KCNQ3: variants seen among roughly 807,000 people sequenced by gnomAD.
KCNQ3 encodes potassium voltage-gated channel subfamily KQT member 3.
Under a neutral mutation model 92.5 loss-of-function variants are expected in KCNQ3, and 30 were observed. The observed-to-expected ratio is 0.32, with a 90% CI of 0.24 to 0.44. The LOEUF is 0.44. Among genes scored for constraint, KCNQ3 ranks in the 20% least tolerant of loss-of-function variants. KCNQ3 has a pLI of 1.00. For synonymous variants in KCNQ3, 450 were observed against 468.8 expected (o/e 0.96, Z 0.52); for missense variants, 913 against 1,140.3 (o/e 0.80, Z 2.87).
At chr8:132,160,793 C>A (rs960692829) in intron 9 of KCNQ3, among the ~76,000 whole-genome samples, 3 of 151,602 alleles carry the variant, frequency 2.0e-5, no homozygotes, top group Admixed American at 2.0e-4. Context: ...ATGCTTCCTT[C>A]TCAGGCTTTC....
At chr8:132,357,968 C>T (rs1036504483) in intron 1 of KCNQ3, among the ~76,000 whole-genome samples, 9 of 152,214 alleles carry the variant, frequency 5.9e-5, no homozygotes, top group African/African-American at 2.2e-4. Flanking sequence ...CATCAAACTC[C>T]ATCCCGTCCT....
intron 3 of KCNQ3, among the ~76,000 whole-genome samples, chr8:132,180,848 A>AC (rs1163827083): frequency 6.6e-6 from 1 of 151,314 alleles, no homozygotes; most frequent in African/African-American, 2.4e-5. Flanking sequence ...AAAAAAAAAA[A>AC]AACCAATGTT....
intron 1 of KCNQ3, among the ~76,000 whole-genome samples, chr8:132,251,401 G>A (rs1279170638): frequency 2.0e-5 from 3 of 152,216 alleles, no homozygotes; most frequent in African/African-American, 7.2e-5. Context: ...GGATGACCCC[G>A]TTGAAGATGC....
At position 132,480,393 on chromosome 8, in the gene KCNQ3, G is replaced by A; in HGVS notation, c.140C>T (p.Pro47Leu). The A allele has an allele frequency of 6.4e-7, 1 of 1,551,456 alleles. No homozygotes were observed. Among genetic ancestry groups the A allele is most frequent in the Non-Finnish European group, 8.6e-7 (1 of 1,157,596 alleles). The change falls in exon 1 of 15, where the codon CCC becomes CTC. Residue 47 changes from proline to leucine, a missense_variant. Coordinates refer to ENST00000388996, the MANE Select transcript of KCNQ3 (RefSeq NM_004519.4). Reference protein sequence around the residue: ...GDEERKVGLAPGDVEQVTLAL... With the variant: ...GDEERKVGLALGDVEQVTLAL... ...CAAGGTGACTTGCTCCACGTCGCCG[G>A]GCGCCAGCCCCACTTTCCGCTCCTC...
chr8:132,265,554 G>T (rs1815953815), intron 1 of KCNQ3, among the ~76,000 whole-genome samples: 1 of 152,208 alleles, frequency 6.6e-6, no homozygotes, highest in South Asian at 2.1e-4. Flanking sequence ...AGAGACAGTT[G>T]CTATGGAGAT....
chr8:132,466,713 A>C (rs1399326528), intron 1 of KCNQ3, among the ~76,000 whole-genome samples: 1 of 152,178 alleles, frequency 6.6e-6, no homozygotes, highest in Non-Finnish European at 1.5e-5. Context: ...TAGGGATGCT[A>C]TTGCATTCCA....
At chr8:132,466,158 T>C (rs1822167964) in intron 1 of KCNQ3, among the ~76,000 whole-genome samples, 1 of 151,996 alleles carries the variant, frequency 6.6e-6, no homozygotes, top group Non-Finnish European at 1.5e-5. Flanking sequence ...AGGCATTGAA[T>C]TTACATATTT....
At chr8:132,263,287 A>G (rs768596946) in intron 1 of KCNQ3, among the ~76,000 whole-genome samples, 3 of 152,138 alleles carry the variant, frequency 2.0e-5, no homozygotes, top group Non-Finnish European at 4.4e-5. Context: ...CTCAGACTCT[A>G]TGTGCTTTCT....
At chr8:132,387,993 GGAAGAA>G (rs969706153) in intron 1 of KCNQ3, among the ~76,000 whole-genome samples, 1 of 111,134 alleles carries the variant, frequency 9.0e-6, no homozygotes, top group African/African-American at 4.1e-5. Context: ...AAGAGGAAGA[GGAAGAA>G]GAAGAAGAGG....
chr8:132,443,480 C>T (rs1821592594), intron 1 of KCNQ3, among the ~76,000 whole-genome samples: 1 of 152,118 alleles, frequency 6.6e-6, no homozygotes, highest in African/African-American at 2.4e-5. Context: ...GAGATGTCCA[C>T]GTGTCAGAGA....
intron 1 of KCNQ3, among the ~76,000 whole-genome samples, chr8:132,470,554 C>T (rs967305550): frequency 1.3e-5 from 2 of 152,160 alleles, no homozygotes; most frequent in African/African-American, 4.8e-5. Context: ...CTAACTATTG[C>T]ACCATGCATC....
chr8:132,296,751 G>T (rs1414404243), intron 1 of KCNQ3, among the ~76,000 whole-genome samples: 1 of 152,064 alleles, frequency 6.6e-6, no homozygotes, highest in African/African-American at 2.4e-5. Context: ...AGTATTCCAT[G>T]GTGTATATGT....
chr8:132,291,122 G>T (rs1816823355), intron 1 of KCNQ3, among the ~76,000 whole-genome samples: 1 of 152,204 alleles, frequency 6.6e-6, no homozygotes, highest in Admixed American at 6.5e-5. Context: ...GCCAGACTAG[G>T]GTGGGAGGAA....
At chr8:132,148,208 T>A (rs1262849876) in intron 9 of KCNQ3, among the ~76,000 whole-genome samples, 1 of 152,202 alleles carries the variant, frequency 6.6e-6, no homozygotes, top group Non-Finnish European at 1.5e-5. Flanking sequence ...TTGACGGGCC[T>A]TCCTTAAATG....
intron 1 of KCNQ3, among the ~76,000 whole-genome samples, chr8:132,244,265 T>G (rs1483056808): frequency 6.6e-6 from 1 of 152,156 alleles, no homozygotes; most frequent in African/African-American, 2.4e-5. Context: ...AAAAGAAAAC[T>G]TTATATCACT....
intron 1 of KCNQ3, among the ~76,000 whole-genome samples, chr8:132,355,236 G>C (rs1485119173): frequency 6.6e-6 from 1 of 151,992 alleles, no homozygotes. Context: ...ACACCTCAAG[G>C]CTATTTGTTA....
intron 1 of KCNQ3, among the ~76,000 whole-genome samples, chr8:132,327,447 C>T (rs1818093154): frequency 1.3e-5 from 2 of 152,106 alleles, no homozygotes; most frequent in South Asian, 4.1e-4. Flanking sequence ...AGGGTTTGAT[C>T]CCAGATCTGT....
intron 1 of KCNQ3, among the ~76,000 whole-genome samples, chr8:132,349,349 C>T (rs914044980): frequency 1.3e-5 from 2 of 152,282 alleles, no homozygotes; most frequent in East Asian, 1.9e-4. Context: ...AATGGAACAA[C>T]CCACAAAATC....
At chr8:132,230,853 A>G (rs1814623770) in intron 1 of KCNQ3, among the ~76,000 whole-genome samples, 1 of 152,132 alleles carries the variant, frequency 6.6e-6, no homozygotes, top group Admixed American at 6.5e-5. Flanking sequence ...AATAAGCTCA[A>G]CTGTGTCCTC....
Sources: allele counts gnomAD v4.1 joint callset (sites outside exome capture counted in the v4.1 genomes callset), GRCh38; gene constraint gnomAD v4.1.1; transcripts MANE v1.5; gene names NCBI Gene and HGNC (gene_info 2026-07-23, HGNC 2026-07-21).